The following GALNT15 variants were observed in gnomAD, a reference collection of about 807,000 sequenced individuals.
GALNT15 encodes UDP-GalNAc transferase T15.
GALNT15 carries 67 observed loss-of-function variants against 66.8 expected under a neutral mutation model. The observed-to-expected ratio is 1.00, with a 90% confidence interval of 0.82 to 1.23. GALNT15 has a LOEUF of 1.23. Among genes scored for constraint, GALNT15 ranks in the 50% most tolerant of loss-of-function variants. The pLI, the probability that GALNT15 is intolerant of heterozygous loss-of-function variation, is 0.00. For missense variants in GALNT15, 827 were observed against 804.3 expected (o/e 1.03, Z -0.34); for synonymous variants, 313 against 311.5 (o/e 1.00, Z -0.05).
intron 8 of GALNT15, chr3:16,220,253 T>TGA: frequency 1.9e-6 from 1 of 522,430 alleles, no homozygotes. Flanking sequence ...TAAAGGGAAA[T>TGA]GGAGAAGCCG....
rs777195618 is a variant in GALNT15, at chr3:16,219,492, T to C, written c.1482T>C (p.Pro494=). ...TFHWFLANVY[P]ELYPSEPRPS... The stretch of plus-strand genomic sequence containing the variant: ...ACTGGTTTCTGGCTAATGTCTACCC[T>C]GAGCTGTACCCATCTGAACCCAGGC... Residue 494 remains proline, a synonymous_variant, in exon 7 of 10, where the codon CCT becomes CCC. Transcript: ENST00000339732. This position sits in a 1 kb window ranked among gnomAD's most constrained non-coding sequence, Gnocchi z 4.3. The C allele has an allele frequency of 2.7e-5, 43 of 1,614,086 alleles. No individual in the cohort carries two copies. Among genetic ancestry groups the C allele is most frequent in the Non-Finnish European group, 3.6e-5 (43 of 1,180,040 alleles).
In GALNT15 at chr3:16,219,123, A is replaced by G. The variant is rs1011116927; in HGVS notation, c.1393-280A>G. On this transcript the variant is annotated intron_variant, in intron 6 of 9. Transcript: ENST00000339732. The surrounding 1 kb of genome is among the most constrained non-coding windows in gnomAD (Gnocchi z 4.3). ...CCACTCCCGGCCTATTGTAGTCTTT[A>G]TAGACTGGAGATTTGAGGGATTGTG... Among the ~76,000 whole-genome samples the G allele has an allele frequency of 6.6e-6, 1 of 152,124 alleles. No homozygotes were observed. The highest frequency in any genetic ancestry group is 1.5e-5 in the Non-Finnish European group (1 of 68,028).
rs2063596768 is a variant in GALNT15 at position 16,193,125 on chromosome 3, G to C, written c.540-2635G>C. ...TTCAAAATAAAAAGTGGTAAAGTGG[G>C]AATTGAAAGAAAAAATTACTAGAAA... On this transcript the variant is annotated intron_variant, in intron 1 of 9. Coordinates refer to ENST00000339732, the MANE Select transcript of GALNT15 (RefSeq NM_054110.5). The surrounding 1 kb of genome is among the most constrained non-coding windows in gnomAD (Gnocchi z 4.7). Among the ~76,000 whole-genome samples the C allele has an allele frequency of 6.6e-6, 1 of 152,148 alleles. No homozygotes were observed. Among genetic ancestry groups the C allele is most frequent in the South Asian group, 2.1e-4 (1 of 4,828 alleles).
Position 16,205,413 on chromosome 3 carries a change from G to A in GALNT15, c.912-3090G>A, listed in dbSNP as rs184966667. On this transcript the variant is annotated intron_variant, in intron 3 of 9. Coordinates refer to ENST00000339732, the MANE Select transcript of GALNT15 (RefSeq NM_054110.5). ...ACAGTAATGTATTCGTTGATCTCAC[G>A]TATTTCAGTGAACCAGTCTTTGTTG... Among the ~76,000 whole-genome samples the A allele has an allele frequency of 2.4e-4, 36 of 152,300 alleles. No homozygotes were observed. In the East Asian group the frequency reaches 6.7e-3, roughly 29 times the overall value.
At position 16,175,250 on chromosome 3, in the gene GALNT15, G is replaced by C. The variant is rs752320649; in HGVS notation, c.99G>C (p.Leu33Phe). 1 of 1,614,150 alleles carries C rather than the reference G, an allele frequency of 6.2e-7. No individual in the cohort carries two copies. The highest frequency in any genetic ancestry group is 8.5e-7 in the Non-Finnish European group (1 of 1,180,034). Reference sequence around the variant, plus strand: ...GCGTCCTGATGATGGTGGCGATGTTGCACCCTCCCCACCACACCCTGCACC... The same window carrying C: ...GCGTCCTGATGATGGTGGCGATGTTCCACCCTCCCCACCACACCCTGCACC... ...LGCVLMMVAM[L>F]HPPHHTLHQT... Residue 33 changes from leucine (L) to phenylalanine (F), a missense_variant, in exon 1 of 10, where the codon TTG (leucine) becomes TTC (phenylalanine). By Grantham distance (22) the Leu-to-Phe change is conservative (BLOSUM62 0). Transcript: ENST00000339732. The surrounding 1 kb of genome is among the most constrained non-coding windows in gnomAD (Gnocchi z 5.6).
rs1267138867 is a variant in GALNT15 at position 16,200,792 on chromosome 3, G to C, written c.880G>C (p.Glu294Gln). The change falls in exon 3 of 10, where the codon GAG becomes CAG. Residue 294 changes from glutamate (E) to glutamine (Q), a missense_variant. Physicochemically the swap from Glu to Gln is conservative, Grantham distance 29. Transcript: ENST00000339732. The surrounding 1 kb of genome is among the most constrained non-coding windows in gnomAD (Gnocchi z 4.4). ...AHCECHPGWLEPLLSRIAGDR... is the reference protein window; with the variant it reads ...AHCECHPGWLQPLLSRIAGDR... ...CTGCGAGTGCCACCCAGGCTGGCTG[G>C]AGCCCCTCCTCAGCAGAATAGCTGG... 3 of 1,611,044 alleles carry C rather than the reference G, an allele frequency of 1.9e-6. No homozygotes were observed. The highest frequency in any genetic ancestry group is 2.5e-6 in the Non-Finnish European group (3 of 1,178,890).
rs1212363383 is a variant in GALNT15, at chr3:16,176,562, G to A, written c.539+872G>A. ...AGCTGAGAAGTGTAGGTGATGGGCA[G>A]AGCTGTGCCCAGGGAGATGCTGGCC... On this transcript the variant is annotated intron_variant, in intron 1 of 9. Transcript: ENST00000339732. The surrounding 1 kb of genome is among the most constrained non-coding windows in gnomAD (Gnocchi z 5.6). 6.6e-6 allele frequency among the ~76,000 whole-genome samples: 1 copy of A among 152,222 alleles called. No homozygotes were observed. The highest frequency in any genetic ancestry group is 2.4e-5 in the African/African-American group (1 of 41,456).
intron 6 of GALNT15, among the ~76,000 whole-genome samples, chr3:16,214,148 G>T (rs536268969): frequency 6.6e-6 from 1 of 152,206 alleles, no homozygotes; most frequent in Non-Finnish European, 1.5e-5. Context: ...AGCCTCCTTC[G>T]TTCCTCCAGG....
Position 16,203,520 on chromosome 3 carries a change from TTCTCTCTCTCTC to T in GALNT15, c.911+2710_911+2721del, listed in dbSNP as rs56306167. 7.7e-4 allele frequency among the ~76,000 whole-genome samples: 88 copies of T among 114,376 alleles called. No individual in the cohort carries two copies. The highest frequency in any genetic ancestry group is 1.3e-3 in the Non-Finnish European group (75 of 57,410). The allele number at this position is 114,376 out of a possible 152,430, so 75.0% of individuals were successfully genotyped here. On this transcript the variant is annotated intron_variant, in intron 3 of 9. Transcript: ENST00000339732. This position sits in a 1 kb window ranked among gnomAD's most constrained non-coding sequence, Gnocchi z 6.2. ...TCTCTCTCTGTCTCTTGGTCACTCA[TTCTCTCTCTCTC>T]TCTCTCTCTCTCACACACACACACA...
rs9858023 is a variant in GALNT15 at position 16,211,311 on chromosome 3, C to T, written c.1197+70C>T. ...GGTGTGTATGGTCACAGCTCAGAGG[C>T]AGGCATTAGAAATGTCACTGGGAAG... On this transcript the variant is annotated intron_variant, in intron 5 of 9. Transcript: ENST00000339732. This position sits in a 1 kb window ranked among gnomAD's most constrained non-coding sequence, Gnocchi z 4.3. 2.3e-3 allele frequency: 2,273 copies of T among 967,880 alleles called. 36 individuals carry two copies. In the African/African-American group the frequency reaches 0.031, roughly 13 times the overall value. The allele number at this position is 967,880 out of a possible 1,614,324, so 60.0% of individuals were successfully genotyped here.
downstream of GALNT15, chr3:16,231,968 T>A: frequency 1.3e-6 from 2 of 1,488,476 alleles, no homozygotes; most frequent in Non-Finnish European, 1.8e-6. The surrounding 1 kb of genome is among the most constrained non-coding windows in gnomAD (Gnocchi z 4.1). Context: ...AATGTCTTAT[T>A]TAAATAAAAT....
chr3:16,242,363 C>T, the GALNT15 span, among the ~76,000 whole-genome samples: 1 of 152,224 alleles, frequency 6.6e-6, no homozygotes, highest in Non-Finnish European at 1.5e-5. The surrounding 1 kb of genome is among the most constrained non-coding windows in gnomAD (Gnocchi z 5.6). Context: ...AACTGACTTG[C>T]AGAATGCGTC....
chr3:16,245,388 A>ACTAACATGG, the GALNT15 span, among the ~76,000 whole-genome samples: 1 of 152,186 alleles, frequency 6.6e-6, no homozygotes, highest in Non-Finnish European at 1.5e-5. Context: ...GGCTTTCTAG[A>ACTAACATGG]CTAACATGGC....
chr3:16,207,886 C>CCTAG (rs371029244), intron 3 of GALNT15, among the ~76,000 whole-genome samples: 28 of 152,274 alleles, frequency 1.8e-4, no homozygotes, highest in African/African-American at 5.3e-4. Flanking sequence ...TAGAGCATTG[C>CCTAG]AGCTGAGAAA....
chr3:16,179,411 T>C (rs1172963180), intron 1 of GALNT15, among the ~76,000 whole-genome samples: 1 of 152,166 alleles, frequency 6.6e-6, no homozygotes, highest in Non-Finnish European at 1.5e-5. Context: ...GGGCTGGAAG[T>C]GTTTTCATCT....
At chr3:16,239,284 C>A in the GALNT15 span, among the ~76,000 whole-genome samples, 1 of 152,178 alleles carries the variant, frequency 6.6e-6, no homozygotes, top group Non-Finnish European at 1.5e-5. This position sits in a 1 kb window ranked among gnomAD's most constrained non-coding sequence, Gnocchi z 5.2. Flanking sequence ...GGCACATTGC[C>A]ACCCAGAACC....
Position 16,227,467 on chromosome 3 carries a change from T to A in GALNT15, c.1887T>A (p.Arg629=), listed in dbSNP as rs15767. Residue 629 remains arginine, a synonymous_variant, in exon 10 of 10, where the codon CGT becomes CGA. Transcript: ENST00000339732. The surrounding 1 kb of genome is among the most constrained non-coding windows in gnomAD (Gnocchi z 4.5). The part of the protein sequence containing the change: ...PCDGKARQQW[R]FDQINAVDER ...ATGGAAAAGCCCGCCAGCAGTGGCG[T>A]TTTGACCAGATCAATGCTGTGGATG... 589,000 of 1,612,510 alleles carry A rather than the reference T, an allele frequency of 0.37. 109,921 individuals are homozygous for A. The highest frequency in any genetic ancestry group is 0.5 in the African/African-American group (37,388 of 74,882).
At chr3:16,242,170 T>C in the GALNT15 span, among the ~76,000 whole-genome samples, 1 of 152,154 alleles carries the variant, frequency 6.6e-6, no homozygotes, top group African/African-American at 2.4e-5. This position sits in a 1 kb window ranked among gnomAD's most constrained non-coding sequence, Gnocchi z 5.6. Flanking sequence ...GCATACTCCT[T>C]TGCTCAAAGC....
At chr3:16,218,188 T>G (rs182944709) in intron 6 of GALNT15, among the ~76,000 whole-genome samples, 7 of 152,178 alleles carry the variant, frequency 4.6e-5, no homozygotes, top group African/African-American at 1.7e-4. Context: ...ACAACAGACT[T>G]ACCACATTTC....
Sources: allele counts gnomAD v4.1 joint callset (sites outside exome capture counted in the v4.1 genomes callset), GRCh38; gene constraint gnomAD v4.1.1; non-coding constraint Gnocchi (gnomAD v3.1); transcripts MANE v1.5; gene names NCBI Gene and HGNC (gene_info 2026-07-23, HGNC 2026-07-21).